The following KRAS variants were observed in gnomAD, a reference collection of about 807,000 sequenced individuals.
The protein encoded by KRAS is GTPase KRas.
KRAS carries 1 observed loss-of-function variant against 21.0 expected under a neutral mutation model. The observed-to-expected ratio is 0.05, with a 90% confidence interval of 0.02 to 0.23. The LOEUF is 0.23. Ranked by LOEUF, KRAS falls within the 10% of genes least tolerant of loss-of-function variation. KRAS has a pLI of 1.00. For synonymous variants in KRAS, 67 were observed against 72.5 expected, an observed-to-expected ratio of 0.92 and a Z score of 0.39; for missense variants, 107 against 221.8, an observed-to-expected ratio of 0.48 and a Z score of 3.29.
In KRAS at chr12:25,205,576, A is replaced by G. The variant is rs1213191443; in HGVS notation, c.*4219T>C. On this transcript the variant is annotated 3_prime_UTR_variant, in exon 5 of 5. Coordinates refer to ENST00000311936, the MANE Select transcript of KRAS (RefSeq NM_004985.5). The stretch of plus-strand genomic sequence containing the variant: ...GTTACATTAAGAAATAGTACTAGTA[A>G]GAAATTGGCACTCAAAGGAAAAATG... 4.6e-6 allele frequency: 1 copy of G among 218,530 alleles called. No homozygotes were observed. The highest frequency in any genetic ancestry group is 9.2e-6 in the Non-Finnish European group (1 of 108,530). 13.5% of individuals were successfully genotyped at this position (218,530 alleles called of 1,614,324 possible).
intron 2 of KRAS, among the ~76,000 whole-genome samples, chr12:25,228,389 A>G (rs1047222040): frequency 2.6e-5 from 4 of 151,954 alleles, no homozygotes; most frequent in African/African-American, 9.7e-5. Flanking sequence ...CAAAAAAAAA[A>G]TCTGAAATCC....
At chr12:25,249,415 ACT>A (rs1951733923) in intron 1 of KRAS, among the ~76,000 whole-genome samples, 1 of 147,672 alleles carries the variant, frequency 6.8e-6, no homozygotes, top group East Asian at 2.0e-4. Flanking sequence ...ACATGATGAA[ACT>A]CTGTCTCTAC....
rs1429594984 is a variant in KRAS at position 25,205,397 on chromosome 12, G to C, written c.*4398C>G. On this transcript the variant is annotated 3_prime_UTR_variant, in exon 5 of 5. Transcript: ENST00000311936. ...AAAAGAGTGGTCATTTTTAATGTTTGATATGACCAACATTCCTAGGTCAGC... is the reference window on the plus strand; with the variant it reads ...AAAAGAGTGGTCATTTTTAATGTTTCATATGACCAACATTCCTAGGTCAGC... 9.3e-6 allele frequency: 2 copies of C among 215,198 alleles called. No homozygotes were observed. Among genetic ancestry groups the C allele is most frequent in the Non-Finnish European group, 1.9e-5 (2 of 106,462 alleles). 13.3% of individuals were successfully genotyped at this position (215,198 alleles called of 1,614,324 possible).
intron 2 of KRAS, among the ~76,000 whole-genome samples, chr12:25,238,490 G>A (rs1687283082): frequency 2.0e-5 from 3 of 152,080 alleles, no homozygotes; most frequent in Non-Finnish European, 4.4e-5. Flanking sequence ...GTAATTTATT[G>A]AGGCTTGAAA....
chr12:25,241,612 A>C (rs1011656001), intron 2 of KRAS, among the ~76,000 whole-genome samples: 5 of 152,246 alleles, frequency 3.3e-5, no homozygotes, highest in African/African-American at 1.2e-4. Context: ...ACAGGTTAAC[A>C]TATCAAGGTT....
intron 2 of KRAS, among the ~76,000 whole-genome samples, chr12:25,228,684 G>C (rs1460059203): frequency 6.6e-6 from 1 of 152,176 alleles, no homozygotes; most frequent in African/African-American, 2.4e-5. Flanking sequence ...TCTCAAAACA[G>C]ATAGTGCTAA....
At chr12:25,241,311 G>A (rs755921515) in intron 2 of KRAS, among the ~76,000 whole-genome samples, 2 of 152,032 alleles carry the variant, frequency 1.3e-5, no homozygotes, top group Non-Finnish European at 2.9e-5. Context: ...TTTAAACAGC[G>A]AAACTACACA....
At chr12:25,221,234 CTT>C (rs34499686) in intron 4 of KRAS, among the ~76,000 whole-genome samples, 24 of 138,762 alleles carry the variant, frequency 1.7e-4, no homozygotes, top group Admixed American at 1.5e-4. Context: ...CAGCCACAGC[CTT>C]TTTTTTTTTT....
intron 2 of KRAS, among the ~76,000 whole-genome samples, chr12:25,242,741 TTTC>T (rs1409364780): frequency 4.6e-5 from 7 of 152,146 alleles, no homozygotes; most frequent in African/African-American, 1.7e-4. Context: ...TAGTAAATAT[TTTC>T]TTAATTTGAA....
chr12:25,247,896 A>G (rs528141264), intron 1 of KRAS, among the ~76,000 whole-genome samples: 47 of 152,350 alleles, frequency 3.1e-4, no homozygotes, highest in African/African-American at 1.1e-3. Context: ...TATTTTTCAT[A>G]AAATATTTTA....
chr12:25,215,696 T>C (rs779050565), intron 4 of KRAS: 2 of 720,976 alleles, frequency 2.8e-6, no homozygotes, highest in Non-Finnish European at 4.9e-6. Flanking sequence ...ACTGTTTGAA[T>C]AAAACTGAGG....
intron 2 of KRAS, among the ~76,000 whole-genome samples, chr12:25,238,036 G>A (rs925392631): frequency 6.6e-6 from 1 of 152,174 alleles, no homozygotes; most frequent in Non-Finnish European, 1.5e-5. Flanking sequence ...AGATGTTAAA[G>A]AGCTTATTTT....
chr12:25,247,715 C>A (rs189534793), intron 1 of KRAS, among the ~76,000 whole-genome samples: 109 of 152,264 alleles, frequency 7.2e-4, no homozygotes, highest in African/African-American at 2.5e-3. Context: ...GTCCTTTACC[C>A]TTTTAACTCC....
chr12:25,231,600 A>G (rs946606402), intron 2 of KRAS, among the ~76,000 whole-genome samples: 11 of 152,162 alleles, frequency 7.2e-5, no homozygotes, highest in Non-Finnish European at 2.9e-5. Flanking sequence ...CTATTCACTG[A>G]TAAATCTCAT....
At chr12:25,245,494 T>C (rs1951666283) in intron 1 of KRAS, 99 bp from the exon 2 acceptor site, 1 of 1,201,030 alleles carries the variant, frequency 8.3e-7, no homozygotes, top group Non-Finnish European at 1.2e-6. Flanking sequence ...TAATACAAAC[T>C]CACCTTTATA....
Position 25,225,522 on chromosome 12 carries a change from T to C in KRAS, c.450+92A>G, listed in dbSNP as rs76433096. 122,656 of 1,243,446 alleles carry C rather than the reference T, an allele frequency of 0.099. 7,969 individuals are homozygous for C. The highest frequency in any genetic ancestry group is 0.28 in the African/African-American group (19,169 of 67,406). 77.0% of individuals were successfully genotyped at this position (1,243,446 alleles called of 1,614,324 possible). On this transcript the variant is annotated intron_variant, in intron 4 of 4. Coordinates refer to ENST00000311936, the MANE Select transcript of KRAS (RefSeq NM_004985.5). ...CTAAATATTGTTTTATTTCCTAGTA[T>C]AGCATAATTGAGAGAAAAACTGATA...
intron 2 of KRAS, 31 bp from the exon 3 acceptor site, chr12:25,227,443 T>C: frequency 6.2e-7 from 1 of 1,604,892 alleles, no homozygotes; most frequent in East Asian, 2.2e-5. Context: ...TCTGGATTAT[T>C]ACAGTGCACC....
chr12:25,229,770 CTTTTT>C (rs11287628), intron 2 of KRAS, among the ~76,000 whole-genome samples: 2 of 128,656 alleles, frequency 1.6e-5, no homozygotes, highest in Non-Finnish European at 1.7e-5. Flanking sequence ...ATTAATGTAT[CTTTTT>C]TTTTTTTTTT....
At chr12:25,250,004 C>T (rs1325077476) in intron 1 of KRAS, among the ~76,000 whole-genome samples, 3 of 152,092 alleles carry the variant, frequency 2.0e-5, no homozygotes, top group East Asian at 3.9e-4. Context: ...GCCACCTGTT[C>T]TTCCACCATC....
Sources: gnomAD v4.1 joint callset for allele counts (sites outside exome capture counted in the v4.1 genomes callset) on GRCh38, gnomAD v4.1.1 for gene constraint, MANE v1.5 for transcripts, NCBI Gene and HGNC (gene_info 2026-07-23, HGNC 2026-07-21) for gene names.